The following TBCEL variants were observed in gnomAD, a reference collection of about 807,000 sequenced individuals.
TBCEL encodes tubulin folding cofactor E like.
Under a neutral mutation model 44.2 loss-of-function variants are expected in TBCEL, and 15 were observed. That is an observed-to-expected ratio of 0.34 (90% CI 0.23 to 0.52). The LOEUF is 0.52. Ranked by LOEUF, TBCEL falls within the 20% of genes least tolerant of loss-of-function variation. The pLI is 0.95. For synonymous variants in TBCEL, 171 were observed against 185.4 expected, an observed-to-expected ratio of 0.92 and a Z score of 0.63; for missense variants, 319 against 506.3, an observed-to-expected ratio of 0.63 and a Z score of 3.55.
chr11:121,046,905 A>G (rs1252371041), intron 3 of TBCEL, among the ~76,000 whole-genome samples: 1 of 152,092 alleles, frequency 6.6e-6, no homozygotes, highest in Non-Finnish European at 1.5e-5. Flanking sequence ...AAAGAAGGCT[A>G]ATTTTCATAA....
chr11:121,082,836 A>C (rs1306967479), intron 8 of TBCEL, among the ~76,000 whole-genome samples: 2 of 152,198 alleles, frequency 1.3e-5, no homozygotes, highest in Non-Finnish European at 2.9e-5. Context: ...GAATCAGGGA[A>C]AGGGAAAATC....
chr11:121,083,658 G>T (rs1253550088), intron 8 of TBCEL, among the ~76,000 whole-genome samples: 1 of 152,200 alleles, frequency 6.6e-6, no homozygotes, highest in Non-Finnish European at 1.5e-5. Flanking sequence ...GAGTCTAGGA[G>T]TATACAGTTG....
intron 1 of TBCEL, among the ~76,000 whole-genome samples, chr11:121,031,085 T>A (rs904380203): frequency 6.6e-6 from 1 of 152,208 alleles, no homozygotes; most frequent in Non-Finnish European, 1.5e-5. Flanking sequence ...TTCTCCACAC[T>A]GCATTCCCCC....
intron 1 of TBCEL, among the ~76,000 whole-genome samples, chr11:121,025,561 TA>T (rs886921229): frequency 6.6e-6 from 1 of 151,806 alleles, no homozygotes; most frequent in Non-Finnish European, 1.5e-5. Context: ...CCTCTTGCAT[TA>T]AAAAAAATGC....
chr11:121,044,686 A>G (rs1591388741), intron 2 of TBCEL, among the ~76,000 whole-genome samples: 2 of 152,188 alleles, frequency 1.3e-5, no homozygotes, highest in Admixed American at 1.3e-4. Context: ...AGGTTGTTAG[A>G]AGTTAGCGTG....
intron 8 of TBCEL, among the ~76,000 whole-genome samples, chr11:121,069,136 T>G (rs1164294095): frequency 6.6e-6 from 1 of 152,178 alleles, no homozygotes; most frequent in East Asian, 1.9e-4. Context: ...TTGTCACTTA[T>G]CAACACCTGA....
intron 4 of TBCEL, among the ~76,000 whole-genome samples, chr11:121,050,398 T>C (rs1459157956): frequency 3.3e-5 from 5 of 151,788 alleles, no homozygotes; most frequent in African/African-American, 1.2e-4. Flanking sequence ...GAGTAACTTC[T>C]TTTGTAACTT....
chr11:121,070,978 A>T (rs895419894), intron 8 of TBCEL, among the ~76,000 whole-genome samples: 1 of 152,152 alleles, frequency 6.6e-6, no homozygotes, highest in Admixed American at 6.5e-5. Flanking sequence ...CTAGAATTTG[A>T]ACTGGTCCTC....
chr11:121,071,140 C>T (rs1450975237), intron 8 of TBCEL, among the ~76,000 whole-genome samples: 1 of 152,000 alleles, frequency 6.6e-6, no homozygotes, highest in African/African-American at 2.4e-5. Context: ...TTTGCCTTGC[C>T]CTTGATCAGA....
chr11:121,045,810 C>T lies in TBCEL; in HGVS notation c.120C>T (p.Gly40=), dbSNP rs1945420039. The T allele has an allele frequency of 4.4e-6, 7 of 1,595,456 alleles. No individual in the cohort carries two copies. Among genetic ancestry groups the T allele is most frequent in the Non-Finnish European group, 6.0e-6 (7 of 1,174,744 alleles). ...TCCATGTCCCAGCCACACCTCAGGGCTCTCCTATGAAAGGTAAGAAAGATG... is the reference window on the plus strand; with the variant it reads ...TCCATGTCCCAGCCACACCTCAGGGTTCTCCTATGAAAGGTAAGAAAGATG... The part of the protein sequence containing the change: ...MGVHVPATPQ[G]SPMKDRLNLP... The change falls in exon 3 of 9, where the codon GGC becomes GGT. Residue 40 remains glycine (G), a synonymous_variant. Transcript: ENST00000683345.
chr11:121,027,489 G>A (rs1002324087), intron 1 of TBCEL, among the ~76,000 whole-genome samples: 3 of 152,096 alleles, frequency 2.0e-5, no homozygotes, highest in Non-Finnish European at 2.9e-5. Context: ...AGCCCATGGT[G>A]TTTAGCTTGA....
At chr11:121,049,647 AAC>A (rs1945494126) in intron 4 of TBCEL, among the ~76,000 whole-genome samples, 1 of 151,862 alleles carries the variant, frequency 6.6e-6, no homozygotes, top group African/African-American at 2.4e-5. Flanking sequence ...TGCAACATTT[AAC>A]TGCCATGCAT....
At chr11:121,024,549 CTGGGG>C (rs1945011133) in intron 1 of TBCEL, among the ~76,000 whole-genome samples, 1 of 150,220 alleles carries the variant, frequency 6.7e-6, no homozygotes, top group South Asian at 2.1e-4. Context: ...CTGGGCTGGG[CTGGGG>C]GACTGGTCCC....
intron 8 of TBCEL, among the ~76,000 whole-genome samples, chr11:121,071,518 A>G (rs1463105928): frequency 6.6e-6 from 1 of 152,184 alleles, no homozygotes; most frequent in Non-Finnish European, 1.5e-5. Flanking sequence ...GCAATGCCAG[A>G]AACAGGTTTT....
At position 121,061,293 on chromosome 11, in the gene TBCEL, A is replaced by C. The variant is rs2134964789; in HGVS notation, c.956+1208A>C. ...TATTAATGGATTTGTTAGATTAATA[A>C]ATATTATAGCTTTGAGCATAAGTCT... On this transcript the variant is annotated intron_variant, in intron 8 of 8. Transcript: ENST00000683345. Among the ~76,000 whole-genome samples the C allele has an allele frequency of 2.0e-5, 3 of 152,054 alleles. 1 individual carries two copies. In the Middle Eastern group the frequency reaches 0.01, roughly 517 times the overall value.
At chr11:121,051,501 A>G (rs1468798214) in intron 4 of TBCEL, among the ~76,000 whole-genome samples, 1 of 151,706 alleles carries the variant, frequency 6.6e-6, no homozygotes, top group African/African-American at 2.4e-5. Context: ...CATCTTCTGT[A>G]TGAAAGTTCT....
chr11:121,058,281 C>T, intron 6 of TBCEL, 64 bp from the exon 7 acceptor site: 1 of 1,548,784 alleles, frequency 6.5e-7, no homozygotes, highest in South Asian at 1.2e-5. Context: ...AATATTTTTG[C>T]TATGTTTCTC....
At position 121,076,842 on chromosome 11, in the gene TBCEL, A is replaced by G. The variant is rs12577160; in HGVS notation, c.957-9936A>G. 7.2e-5 allele frequency among the ~76,000 whole-genome samples: 11 copies of G among 152,066 alleles called. No individual in the cohort carries two copies. In the East Asian group the frequency reaches 2.1e-3, roughly 29 times the overall value. The stretch of plus-strand genomic sequence containing the variant: ...ATTAAGGACATTTCCTTCTATTCCA[A>G]GTTTGCTGGAGCTTTTCATGAATGG... On this transcript the variant is annotated intron_variant, in intron 8 of 8. Coordinates refer to ENST00000683345, the MANE Select transcript of TBCEL (RefSeq NM_001363644.2).
intron 8 of TBCEL, among the ~76,000 whole-genome samples, chr11:121,076,349 T>TA (rs1380377167): frequency 6.6e-6 from 1 of 151,892 alleles, no homozygotes; most frequent in African/African-American, 2.4e-5. Flanking sequence ...GTATTTTTTT[T>TA]AAAAATGGTG....
Sources: allele counts gnomAD v4.1 joint callset (sites outside exome capture counted in the v4.1 genomes callset), GRCh38; gene constraint gnomAD v4.1.1; transcripts MANE v1.5; gene names NCBI Gene and HGNC (gene_info 2026-07-23, HGNC 2026-07-21).